ELOC: variants seen among roughly 807,000 people sequenced by gnomAD.
ELOC encodes elongin-C.
For synonymous variants in ELOC, 40 were observed against 51.3 expected, an observed-to-expected ratio of 0.78 and a Z score of 0.94; for missense variants, 38 against 139.0, an observed-to-expected ratio of 0.27 and a Z score of 3.65.
At chr8:73,967,839 T>A (rs1815096321) in intron 1 of ELOC, among the ~76,000 whole-genome samples, 1 of 152,216 alleles carries the variant, frequency 6.6e-6, no homozygotes, top group Admixed American at 6.6e-5. Context: ...TTAAAAACCA[T>A]TCTTAGCTTG....
chr8:73,962,507 A>C (rs1383446977), intron 1 of ELOC, among the ~76,000 whole-genome samples: 2 of 152,160 alleles, frequency 1.3e-5, no homozygotes, highest in African/African-American at 2.4e-5. Context: ...CAATTTAAAA[A>C]TTCATGAGAG....
intron 2 of ELOC, among the ~76,000 whole-genome samples, chr8:73,957,566 T>C (rs948614010): frequency 3.3e-5 from 5 of 152,126 alleles, no homozygotes; most frequent in African/African-American, 1.2e-4. Flanking sequence ...AATTCAGAAA[T>C]CTCTAAAATT....
At chr8:73,956,941 A>G (rs1050643801) in intron 2 of ELOC, among the ~76,000 whole-genome samples, 17 of 151,896 alleles carry the variant, frequency 1.1e-4, no homozygotes, top group Non-Finnish European at 2.1e-4. Context: ...GGAGATCGAG[A>G]CCATCCTGGC....
chr8:73,971,590 A>C (rs1815407084), intron 1 of ELOC, among the ~76,000 whole-genome samples: 1 of 151,978 alleles, frequency 6.6e-6, no homozygotes. Context: ...CGGCCAGTAG[A>C]TGCACGATAC....
intron 1 of ELOC, among the ~76,000 whole-genome samples, chr8:73,965,397 T>C (rs1287661248): frequency 4.4e-5 from 4 of 89,894 alleles, no homozygotes; most frequent in African/African-American, 1.3e-4. Context: ...TCCATCATAA[T>C]AGGAGAATGG....
intron 1 of ELOC, among the ~76,000 whole-genome samples, chr8:73,967,883 T>C (rs1429605078): frequency 6.6e-6 from 1 of 152,228 alleles, no homozygotes; most frequent in Non-Finnish European, 1.5e-5. Context: ...GGGCCAGATG[T>C]GGCCTGTGGT....
At chr8:73,951,098 C>T (rs1422443132) in intron 3 of ELOC, among the ~76,000 whole-genome samples, 1 of 151,726 alleles carries the variant, frequency 6.6e-6, no homozygotes, top group African/African-American at 2.4e-5. Context: ...CAGTGAAACC[C>T]CATCTCTACT....
chr8:73,969,751 G>A (rs773948475), intron 1 of ELOC: 1 of 152,102 alleles, frequency 6.6e-6, no homozygotes, highest in Non-Finnish European at 1.5e-5. Flanking sequence ...ATCACTTCCT[G>A]AAACTATACT....
At chr8:73,967,447 C>T (rs1815066425) in intron 1 of ELOC, among the ~76,000 whole-genome samples, 1 of 150,302 alleles carries the variant, frequency 6.7e-6, no homozygotes, top group African/African-American at 2.4e-5. Flanking sequence ...AAAAAGGGTA[C>T]ATTTTATATA....
At chr8:73,971,557 A>G (rs752339346) in intron 1 of ELOC, among the ~76,000 whole-genome samples, 21 of 151,838 alleles carry the variant, frequency 1.4e-4, no homozygotes, top group Non-Finnish European at 2.5e-4. Flanking sequence ...CACACTAGAT[A>G]CCTCCTTTCA....
At chr8:73,959,940 T>A in intron 1 of ELOC, 122 bp from the exon 2 acceptor site, 1 of 440,084 alleles carries the variant, frequency 2.3e-6, no homozygotes, top group African/African-American at 2.0e-5. Flanking sequence ...CATTACGAGC[T>A]CACCATTCCT....
At chr8:73,946,909 T>C (rs1387907887) in intron 3 of ELOC, 89 bp from the exon 4 acceptor site, 22 of 1,093,092 alleles carry the variant, frequency 2.0e-5, no homozygotes, top group Middle Eastern at 2.1e-4. Flanking sequence ...TACCACAGAA[T>C]GTGGCTGTAT....
intron 3 of ELOC, among the ~76,000 whole-genome samples, chr8:73,950,192 C>T (rs1032540845): frequency 3.9e-5 from 6 of 152,126 alleles, no homozygotes; most frequent in Non-Finnish European, 5.9e-5. Context: ...TCAAGACTAA[C>T]GGAGCCATGT....
chr8:73,946,849 T>C (rs1003390139), intron 3 of ELOC, 29 bp from the exon 4 acceptor site: 4 of 1,581,254 alleles, frequency 2.5e-6, no homozygotes, highest in Non-Finnish European at 3.5e-6. Context: ...ATGTATGTTA[T>C]TGGCTGAATT....
intron 3 of ELOC, among the ~76,000 whole-genome samples, chr8:73,949,159 T>C (rs1264750256): frequency 3.9e-5 from 6 of 152,364 alleles, no homozygotes; most frequent in East Asian, 1.9e-4. Context: ...TTTGAGAATA[T>C]AGTATTTTAA....
At chr8:73,951,445 T>G (rs1230467975) in intron 3 of ELOC, among the ~76,000 whole-genome samples, 1 of 152,000 alleles carries the variant, frequency 6.6e-6, no homozygotes, top group Non-Finnish European at 1.5e-5. Context: ...TTGGGAGGAC[T>G]GCTTGAGGCC....
intron 1 of ELOC, among the ~76,000 whole-genome samples, chr8:73,966,982 T>C (rs1042507568): frequency 6.6e-6 from 1 of 152,188 alleles, no homozygotes; most frequent in African/African-American, 2.4e-5. Flanking sequence ...TAACCTAATC[T>C]TTCCTTGCCT....
chr8:73,971,554 G>A (rs1487529410), intron 1 of ELOC, among the ~76,000 whole-genome samples: 1 of 152,020 alleles, frequency 6.6e-6, no homozygotes, highest in African/African-American at 2.4e-5. Flanking sequence ...TTTCACACTA[G>A]ATACCTCCTT....
intron 3 of ELOC, among the ~76,000 whole-genome samples, chr8:73,952,053 G>A (rs1375990457): frequency 1.3e-5 from 2 of 152,102 alleles, no homozygotes; most frequent in Admixed American, 6.6e-5. Context: ...CCCATAAAAC[G>A]CCTATAAGAA....
Sources: gnomAD v4.1 joint callset for allele counts (sites outside exome capture counted in the v4.1 genomes callset) on GRCh38, gnomAD v4.1.1 for gene constraint, MANE v1.5 for transcripts, NCBI Gene and HGNC (gene_info 2026-07-23, HGNC 2026-07-21) for gene names.